Variants in AOPEP observed in about 807,000 individuals in gnomAD.
The protein encoded by AOPEP is aminopeptidase O.
A neutral mutation model predicts 98.1 loss-of-function variants in AOPEP; 77 were observed. That is an observed-to-expected ratio of 0.78 (90% CI 0.65 to 0.95). AOPEP has a LOEUF of 0.95. Ranked by LOEUF, AOPEP falls within the 40% of genes least tolerant of loss-of-function variation. The pLI is 0.00. For synonymous variants in AOPEP, 346 were observed against 365.3 expected (o/e 0.95, Z 0.60); for missense variants, 1,024 against 1,024.7 (o/e 1.00, Z 0.01).
chr9:94,973,731 G>A (rs774755196), intron 10 of AOPEP, among the ~76,000 whole-genome samples: 46 of 152,342 alleles, frequency 3.0e-4, no homozygotes, highest in East Asian at 1.5e-3. Context: ...CGCAGGACTC[G>A]CAGTCATGGG....
chr9:95,038,912 C>G (rs774251760), intron 13 of AOPEP, among the ~76,000 whole-genome samples: 1 of 152,116 alleles, frequency 6.6e-6, no homozygotes, highest in Non-Finnish European at 1.5e-5. Flanking sequence ...TTGGGACTTA[C>G]GGATAACCTC....
At chr9:95,123,824 A>G in the AOPEP span, 1 of 674,776 alleles carries the variant, frequency 1.5e-6, no homozygotes, top group Non-Finnish European at 2.8e-6. Context: ...ACTCCAATTT[A>G]GACCTGCGGA....
the AOPEP span, among the ~76,000 whole-genome samples, chr9:95,102,047 C>T: frequency 1.3e-5 from 2 of 152,218 alleles, no homozygotes; most frequent in African/African-American, 4.8e-5. Context: ...GCTGGCTACA[C>T]AGTGAGCGGT....
chr9:94,863,437 C>T (rs946211816), intron 5 of AOPEP, among the ~76,000 whole-genome samples: 10 of 152,192 alleles, frequency 6.6e-5, no homozygotes, highest in Admixed American at 2.6e-4. Flanking sequence ...CCCACCACCA[C>T]GCCTGGCTAA....
At chr9:94,962,244 AAG>A (rs1484326038) in intron 9 of AOPEP, among the ~76,000 whole-genome samples, 1 of 152,234 alleles carries the variant, frequency 6.6e-6, no homozygotes, top group East Asian at 1.9e-4. Flanking sequence ...CAGTTCACCG[AAG>A]AGAGTCATCC....
chr9:95,026,837 C>T (rs1036596757), intron 13 of AOPEP, among the ~76,000 whole-genome samples: 1 of 152,176 alleles, frequency 6.6e-6, no homozygotes, highest in Non-Finnish European at 1.5e-5. Context: ...CCCAGTTTCT[C>T]CACATCTTTG....
intron 1 of AOPEP, among the ~76,000 whole-genome samples, chr9:94,754,429 C>A (rs1225992903): frequency 1.3e-5 from 2 of 152,138 alleles, no homozygotes; most frequent in Non-Finnish European, 2.9e-5. Flanking sequence ...AGCATATGTG[C>A]AAAAATAATT....
At chr9:95,074,591 A>G (rs976242571) in intron 14 of AOPEP, among the ~76,000 whole-genome samples, 1 of 152,226 alleles carries the variant, frequency 6.6e-6, no homozygotes, top group East Asian at 1.9e-4. Context: ...CATGTCCCGT[A>G]AGCAGAACAC....
At chr9:94,773,228 A>G (rs1043895567) in intron 3 of AOPEP, 60 bp downstream of exon 3, 43 of 1,422,510 alleles carry the variant, frequency 3.0e-5, no homozygotes, top group Non-Finnish European at 3.9e-5. Flanking sequence ...CCAGGAACCC[A>G]ATAAACAGTA....
chr9:94,938,895 C>A (rs1348243285), intron 7 of AOPEP, among the ~76,000 whole-genome samples: 2 of 152,072 alleles, frequency 1.3e-5, no homozygotes, highest in South Asian at 2.1e-4. Flanking sequence ...GTTCGGAAGA[C>A]CTTGGTTGGC....
At chr9:94,943,818 G>T (rs1392499803) in intron 7 of AOPEP, among the ~76,000 whole-genome samples, 1 of 149,950 alleles carries the variant, frequency 6.7e-6, no homozygotes, top group East Asian at 2.0e-4. Context: ...TACTCGGGAG[G>T]CTGAGGCAGG....
chr9:94,954,814 A>G (rs2058345046), intron 7 of AOPEP, among the ~76,000 whole-genome samples: 1 of 152,246 alleles, frequency 6.6e-6, no homozygotes, highest in Non-Finnish European at 1.5e-5. Flanking sequence ...TGAAAGAGAT[A>G]TAAGTTCTTT....
chr9:94,758,631 A>G (rs1168402923), intron 1 of AOPEP, among the ~76,000 whole-genome samples: 1 of 152,248 alleles, frequency 6.6e-6, no homozygotes, highest in Non-Finnish European at 1.5e-5. Flanking sequence ...ATTTAGAAAT[A>G]CGAAAATTAT....
At chr9:95,111,412 T>C in the AOPEP span, 1 of 1,599,428 alleles carries the variant, frequency 6.3e-7, no homozygotes, top group South Asian at 1.1e-5. Flanking sequence ...CAAGCTCCTC[T>C]CAGCCCCCCA....
chr9:94,831,817 G>A (rs1856033847), intron 5 of AOPEP, among the ~76,000 whole-genome samples: 1 of 151,934 alleles, frequency 6.6e-6, no homozygotes, highest in African/African-American at 2.4e-5. Context: ...AGCTAACAAG[G>A]GAAGTGAAGG....
the AOPEP span, among the ~76,000 whole-genome samples, chr9:95,128,873 A>T: frequency 2.0e-5 from 3 of 151,800 alleles, no homozygotes; most frequent in African/African-American, 7.3e-5. Context: ...CTGCAGAAAC[A>T]GCAACGGCAG....
the AOPEP span, chr9:95,111,740 CT>C: frequency 1.4e-6 from 2 of 1,385,038 alleles, no homozygotes; most frequent in Non-Finnish European, 2.0e-6. Flanking sequence ...TTAAATTGTA[CT>C]TATCCACTGA....
At chr9:95,044,308 T>C (rs2065632452) in intron 13 of AOPEP, among the ~76,000 whole-genome samples, 1 of 150,600 alleles carries the variant, frequency 6.6e-6, no homozygotes, top group Non-Finnish European at 1.5e-5. Context: ...TCACTGCTAA[T>C]GGGCACAAAT....
intron 11 of AOPEP, among the ~76,000 whole-genome samples, chr9:94,984,581 T>C (rs2060401030): frequency 6.6e-6 from 1 of 152,192 alleles, no homozygotes; most frequent in African/African-American, 2.4e-5. Flanking sequence ...TTTAAAAATA[T>C]TGGTTACATG....
Sources: allele counts gnomAD v4.1 joint callset (sites outside exome capture counted in the v4.1 genomes callset), GRCh38; gene constraint gnomAD v4.1.1; transcripts MANE v1.5; gene names NCBI Gene and HGNC (gene_info 2026-07-23, HGNC 2026-07-21).